SBF2: variants seen among roughly 807,000 people sequenced by gnomAD.
SBF2 encodes myotubularin-related protein 13.
In SBF2, 112 loss-of-function variants were observed where a neutral mutation model predicts 225.2. The ratio of observed to expected loss-of-function variants is 0.50; its 90% CI spans 0.43 to 0.58. The LOEUF (loss-of-function observed/expected upper bound fraction) is 0.58. Among genes scored for constraint, SBF2 ranks in the 20% least tolerant of loss-of-function variants. The probability of loss-of-function intolerance (pLI) is 0.00; values close to 1 mark genes in which losing one functional copy is unlikely to be tolerated. For synonymous variants in SBF2, 763 were observed against 773.3 expected, an observed-to-expected ratio of 0.99 and a Z score of 0.22; for missense variants, 1,996 against 2,206.2, an observed-to-expected ratio of 0.90 and a Z score of 1.91.
chr11:10,231,388 T>G (rs994408421), intron 1 of SBF2, among the ~76,000 whole-genome samples: 1 of 152,162 alleles, frequency 6.6e-6, no homozygotes, highest in African/African-American at 2.4e-5. Flanking sequence ...AGCGCTCTGA[T>G]TTTTAGAGTC....
chr11:9,799,820 A>C (rs78882611), intron 32 of SBF2, among the ~76,000 whole-genome samples: 1 of 152,186 alleles, frequency 6.6e-6, no homozygotes, highest in Non-Finnish European at 1.5e-5. Flanking sequence ...CCTCTTTGCA[A>C]ATGGAACTCA....
At chr11:9,832,184 A>T (rs1242646828) in intron 27 of SBF2, 40 bp downstream of exon 27, 1 of 1,542,602 alleles carries the variant, frequency 6.5e-7, no homozygotes, top group Non-Finnish European at 8.9e-7. Context: ...CACTGTCCTT[A>T]TGTGAACGGG....
chr11:9,838,836 T>TA (rs1309683677), intron 26 of SBF2: 2 of 152,560 alleles, frequency 1.3e-5, no homozygotes, highest in East Asian at 3.9e-4. Context: ...TTACATATAG[T>TA]AAAGCATGGA....
At chr11:10,108,052 T>G (rs969892007) in intron 2 of SBF2, among the ~76,000 whole-genome samples, 1 of 152,350 alleles carries the variant, frequency 6.6e-6, no homozygotes, top group South Asian at 2.1e-4. Flanking sequence ...GATATAAATG[T>G]ATATTAAAAG....
chr11:10,018,154 A>G (rs1432464186), intron 6 of SBF2, among the ~76,000 whole-genome samples: 1 of 152,186 alleles, frequency 6.6e-6, no homozygotes, highest in Non-Finnish European at 1.5e-5. Context: ...CTTTTAATTC[A>G]AACTTCCTCC....
chr11:10,181,907 T>C (rs77759073), intron 2 of SBF2, among the ~76,000 whole-genome samples: 3,316 of 152,274 alleles, frequency 0.022, 93 homozygotes, highest in African/African-American at 0.066. Flanking sequence ...AATACACATA[T>C]GTGTTTACTT....
chr11:10,134,730 G>A (rs147293076), intron 2 of SBF2, among the ~76,000 whole-genome samples: 179 of 152,286 alleles, frequency 1.2e-3, no homozygotes, highest in African/African-American at 3.9e-3. Flanking sequence ...GATGCAAGAG[G>A]TAAGCTGTAT....
chr11:10,065,574 T>C (rs1565190359), intron 2 of SBF2, among the ~76,000 whole-genome samples: 1 of 152,132 alleles, frequency 6.6e-6, no homozygotes, highest in East Asian at 1.9e-4. Context: ...CTATAGCTAT[T>C]AAAAGGATCA....
chr11:10,032,212 C>T (rs1374921617), intron 3 of SBF2, among the ~76,000 whole-genome samples: 1 of 152,182 alleles, frequency 6.6e-6, no homozygotes, highest in Non-Finnish European at 1.5e-5. Flanking sequence ...ATAAACTTGA[C>T]AAAATATGAT....
At chr11:10,169,804 G>C (rs1956116819) in intron 2 of SBF2, among the ~76,000 whole-genome samples, 1 of 152,128 alleles carries the variant, frequency 6.6e-6, no homozygotes, top group African/African-American at 2.4e-5. Flanking sequence ...CTAACACTGT[G>C]TGAGGGTTCT....
intron 14 of SBF2, among the ~76,000 whole-genome samples, chr11:9,966,842 GT>G (rs1320992582): frequency 6.6e-6 from 1 of 152,182 alleles, no homozygotes; most frequent in African/African-American, 2.4e-5. Flanking sequence ...TTGGAAAATG[GT>G]TTGGCAGCTC....
chr11:10,213,574 G>T lies in SBF2; in HGVS notation c.56-19587C>A, dbSNP rs56269788. Reference sequence around the variant, plus strand: ...CTAGTAAAATTCTTGCAATTCTTTTGATGCACAAAACTTGTCTTTCATCAT... The same window carrying T: ...CTAGTAAAATTCTTGCAATTCTTTTTATGCACAAAACTTGTCTTTCATCAT... On this transcript the variant is annotated intron_variant, in intron 1 of 39. Coordinates refer to ENST00000256190, the MANE Select transcript of SBF2 (RefSeq NM_030962.4). Among the ~76,000 whole-genome samples, 1,311 of 152,254 alleles carry T rather than the reference G, an allele frequency of 8.6e-3. 9 individuals carry two copies. The highest frequency in any genetic ancestry group is 0.015 in the Non-Finnish European group (994 of 68,014).
chr11:10,189,931 C>G (rs1304265154), intron 2 of SBF2, among the ~76,000 whole-genome samples: 1 of 152,102 alleles, frequency 6.6e-6, no homozygotes, highest in Non-Finnish European at 1.5e-5. Flanking sequence ...GCAGGGGGAT[C>G]ACCTGAGGTC....
At chr11:10,195,853 G>A (rs1428890265) in intron 1 of SBF2, among the ~76,000 whole-genome samples, 1 of 152,148 alleles carries the variant, frequency 6.6e-6, no homozygotes, top group South Asian at 2.1e-4. Context: ...GGGGAATGAA[G>A]GATTTTGTTA....
intron 2 of SBF2, among the ~76,000 whole-genome samples, chr11:10,150,310 C>A (rs1955113191): frequency 6.6e-6 from 1 of 152,040 alleles, no homozygotes; most frequent in African/African-American, 2.4e-5. Flanking sequence ...CGTTGTCATT[C>A]TTTTAAAGAT....
chr11:9,782,331 A>G (rs1042730729), intron 38 of SBF2, among the ~76,000 whole-genome samples: 2 of 152,202 alleles, frequency 1.3e-5, no homozygotes, highest in African/African-American at 4.8e-5. Flanking sequence ...TCAACAGGCG[A>G]GTCACAGAGA....
chr11:10,079,530 T>C (rs1052528304), intron 2 of SBF2, among the ~76,000 whole-genome samples: 1 of 152,146 alleles, frequency 6.6e-6, no homozygotes, highest in Non-Finnish European at 1.5e-5. Flanking sequence ...TTCAAATTAA[T>C]CCAGTTAGAC....
intron 1 of SBF2, among the ~76,000 whole-genome samples, chr11:10,284,629 C>T (rs1443077256): frequency 6.6e-6 from 1 of 151,480 alleles, no homozygotes; most frequent in African/African-American, 2.4e-5. Flanking sequence ...TTCCATTACC[C>T]AGGCTGGAGT....
At chr11:9,857,793 T>C (rs543439880) in intron 18 of SBF2, among the ~76,000 whole-genome samples, 13 of 152,358 alleles carry the variant, frequency 8.5e-5, no homozygotes, top group African/African-American at 2.6e-4. Flanking sequence ...TAGAGAAACA[T>C]GTAGAATATT....
Sources: allele counts gnomAD v4.1 joint callset (sites outside exome capture counted in the v4.1 genomes callset), GRCh38; gene constraint gnomAD v4.1.1; transcripts MANE v1.5; gene names NCBI Gene and HGNC (gene_info 2026-07-23, HGNC 2026-07-21).